The following TBX4 variants were observed in gnomAD, a reference collection of about 807,000 sequenced individuals.
TBX4 encodes the protein T-box transcription factor TBX4.
TBX4 carries 13 observed loss-of-function variants against 54.6 expected under a neutral mutation model. The ratio of observed to expected loss-of-function variants is 0.24; its 90% CI spans 0.15 to 0.38. The LOEUF is 0.38. Ranked by LOEUF, TBX4 falls within the 10% of genes least tolerant of loss-of-function variation. TBX4 has a pLI of 1.00. For missense variants in TBX4, 631 were observed against 728.5 expected, an observed-to-expected ratio of 0.87 and a Z score of 1.54; for synonymous variants, 314 against 306.7, an observed-to-expected ratio of 1.02 and a Z score of -0.25.
Position 61,457,068 on chromosome 17 carries a change from G to A in TBX4, c.186+392G>A, listed in dbSNP as rs1283498202. Among the ~76,000 whole-genome samples, 1 of 152,306 alleles carries A rather than the reference G, an allele frequency of 6.6e-6. No individual in the cohort carries two copies. The highest frequency in any genetic ancestry group is 1.9e-4 in the East Asian group (1 of 5,150). On this transcript the variant is annotated intron_variant, in intron 2 of 8. Coordinates refer to ENST00000644296, the MANE Select transcript of TBX4 (RefSeq NM_001321120.2). The surrounding 1 kb of genome is among the most constrained non-coding windows in gnomAD (Gnocchi z 8.2). ...CGCCGGTGCGCACGGGAGCCGCTGC[G>A]GGGATCCGAGGCCTCTGGGACGTCG...
Position 61,479,802 on chromosome 17 carries a change from T to C in TBX4, c.703-79T>C, listed in dbSNP as rs2143860558. 1 of 1,418,578 alleles carries C rather than the reference T, an allele frequency of 7.0e-7. No individual in the cohort carries two copies. Among genetic ancestry groups the C allele is most frequent in the Non-Finnish European group, 1.0e-6 (1 of 1,002,014 alleles). The allele number at this position is 1,418,578 out of a possible 1,614,324, so 87.9% of individuals were successfully genotyped here. ...CCTGAGGGAGGGAGGTTACATGTTA[T>C]GATCCCATTTACAAATGTGGAAACT... On this transcript the variant is annotated intron_variant, in intron 6 of 8. Transcript: ENST00000644296. This position sits in a 1 kb window ranked among gnomAD's most constrained non-coding sequence, Gnocchi z 6.1.
rs1044370266 is a variant in TBX4, at chr17:61,484,584, A to C, written c.*1068A>C. On this transcript the variant is annotated 3_prime_UTR_variant, in exon 9 of 9. Coordinates refer to ENST00000644296, the MANE Select transcript of TBX4 (RefSeq NM_001321120.2). This position sits in a 1 kb window ranked among gnomAD's most constrained non-coding sequence, Gnocchi z 4.1. ...CAGTAAATTCAGCCGGTGAGCTCAG[A>C]GGAGCAAAGAGAATTCTCCAGTGTG... 1.3e-5 allele frequency: 2 copies of C among 152,168 alleles called. No individual in the cohort carries two copies. The highest frequency in any genetic ancestry group is 2.9e-5 in the Non-Finnish European group (2 of 68,044). The allele number at this position is 152,168 out of a possible 1,614,324, so 9.4% of individuals were successfully genotyped here. A position where few individuals can be genotyped will look rare whatever the true frequency, so the allele number is the denominator to read the frequency against.
Position 61,464,684 on chromosome 17 carries a change from G to C in TBX4, c.282-1135G>C, listed in dbSNP as rs546877057. Among the ~76,000 whole-genome samples the C allele has an allele frequency of 6.6e-6, 1 of 152,134 alleles. No individual in the cohort carries two copies. Among genetic ancestry groups the C allele is most frequent in the South Asian group, 2.1e-4 (1 of 4,818 alleles). On this transcript the variant is annotated intron_variant, in intron 3 of 8. Coordinates refer to ENST00000644296, the MANE Select transcript of TBX4 (RefSeq NM_001321120.2). This position sits in a 1 kb window ranked among gnomAD's most constrained non-coding sequence, Gnocchi z 5.8. ...TGGGGGATGGAGTCTGAGGAGGATCGTGGGAAGTTCCGTTCTTCCCTCTGG... is the reference window on the plus strand; with the variant it reads ...TGGGGGATGGAGTCTGAGGAGGATCCTGGGAAGTTCCGTTCTTCCCTCTGG...
intron 1 of TBX4, among the ~76,000 whole-genome samples, chr17:61,455,568 C>T (rs986346387): frequency 1.3e-5 from 2 of 152,248 alleles, no homozygotes; most frequent in African/African-American, 4.8e-5. Flanking sequence ...GCCAAGACAG[C>T]CGAAGAAATG....
At position 61,457,132 on chromosome 17, in the gene TBX4, A is replaced by G. The variant is rs2060457153; in HGVS notation, c.187-405A>G. Among the ~76,000 whole-genome samples the G allele has an allele frequency of 6.6e-6, 1 of 152,152 alleles. No homozygotes were observed. Among genetic ancestry groups the G allele is most frequent in the African/African-American group, 2.4e-5 (1 of 41,458 alleles). On this transcript the variant is annotated intron_variant, in intron 2 of 8. Transcript: ENST00000644296. This position sits in a 1 kb window ranked among gnomAD's most constrained non-coding sequence, Gnocchi z 8.2. ...AGTGATAATCGGACGATCACAGCGC[A>G]CGGGATGCCGCCTGGGGATCTGTGT...
chr17:61,456,203 G>C (rs1327714332), intron 1 of TBX4, among the ~76,000 whole-genome samples: 5 of 152,222 alleles, frequency 3.3e-5, no homozygotes, highest in Non-Finnish European at 7.3e-5. Context: ...GCAATGCCGA[G>C]AGGGCGGTCC....
At chr17:61,477,888 C>G (rs1458476094) in intron 5 of TBX4, among the ~76,000 whole-genome samples, 1 of 145,472 alleles carries the variant, frequency 6.9e-6, no homozygotes, top group Non-Finnish European at 1.5e-5. Context: ...TTGCAGTGAG[C>G]CAAGATTGCG....
intron 5 of TBX4, among the ~76,000 whole-genome samples, chr17:61,467,960 G>A (rs942941439): frequency 1.3e-5 from 2 of 152,244 alleles, no homozygotes. Flanking sequence ...TTAAATGAGA[G>A]GGTTTACCGG....
rs1569046598 is a variant in TBX4, at chr17:61,483,037, A to AC, written c.1167dup (p.Arg390GlnfsTer30). 1 of 1,613,638 alleles carries AC rather than the reference A, an allele frequency of 6.2e-7. No individual in the cohort carries two copies. Among genetic ancestry groups the AC allele is most frequent in the Middle Eastern group, 1.6e-4 (1 of 6,062 alleles). ...GAGCCCCTCCTACTGCAGTGAGGTG[A>AC]CCCCCAGAGAAGCATGTATGTACTC... On this transcript the variant is annotated frameshift_variant, in exon 9 of 9. Transcript: ENST00000644296. LOFTEE classifies it high-confidence loss of function. The surrounding 1 kb of genome is among the most constrained non-coding windows in gnomAD (Gnocchi z 6.6).
chr17:61,455,590 G>A (rs999955795), intron 1 of TBX4, among the ~76,000 whole-genome samples: 8 of 152,256 alleles, frequency 5.3e-5, no homozygotes, highest in Admixed American at 4.6e-4. Flanking sequence ...AGCTGTGCCA[G>A]GCAGGGCTAA....
intron 5 of TBX4, among the ~76,000 whole-genome samples, chr17:61,477,941 C>CAAAAAAAAAAAAAAAAAAAAAAAA (rs10617980): frequency 9.0e-5 from 8 of 88,648 alleles, no homozygotes; most frequent in African/African-American, 1.2e-4. Flanking sequence ...GATTCCATCT[C>CAAAAAAAAAAAAAAAAAAAAAAAA]AAAAAAAAAA....
At chr17:61,468,830 G>T (rs968294168) in intron 5 of TBX4, among the ~76,000 whole-genome samples, 1 of 152,174 alleles carries the variant, frequency 6.6e-6, no homozygotes, top group Non-Finnish European at 1.5e-5. Context: ...GAGCCCCAAG[G>T]CATTTCAGCT....
intron 5 of TBX4, among the ~76,000 whole-genome samples, chr17:61,469,966 A>T (rs1028927416): frequency 6.6e-6 from 1 of 152,136 alleles, no homozygotes; most frequent in Non-Finnish European, 1.5e-5. Flanking sequence ...TCCAGGCCTC[A>T]AGGGACTTTC....
rs368918785 is a variant in TBX4 at position 61,474,054 on chromosome 17, T to C, written c.550-4573T>C. ...CTCTTATCATCCGGGGTCTCAGTTT[T>C]CTTTCTTTCCTTCTTTGGTGTTTAA... On this transcript the variant is annotated intron_variant, in intron 5 of 8. Coordinates refer to ENST00000644296, the MANE Select transcript of TBX4 (RefSeq NM_001321120.2). This position sits in a 1 kb window ranked among gnomAD's most constrained non-coding sequence, Gnocchi z 4.6. Among the ~76,000 whole-genome samples, 28 of 152,234 alleles carry C rather than the reference T, an allele frequency of 1.8e-4. No homozygotes were observed. The highest frequency in any genetic ancestry group is 6.8e-4 in the African/African-American group (28 of 41,462).
chr17:61,476,095 G>C lies in TBX4; in HGVS notation c.550-2532G>C, dbSNP rs762777847. Among the ~76,000 whole-genome samples, 13 of 152,194 alleles carry C rather than the reference G, an allele frequency of 8.5e-5. No homozygotes were observed. Among genetic ancestry groups the C allele is most frequent in the Non-Finnish European group, 1.5e-4 (10 of 68,038 alleles). On this transcript the variant is annotated intron_variant, in intron 5 of 8. Coordinates refer to ENST00000644296, the MANE Select transcript of TBX4 (RefSeq NM_001321120.2). The surrounding 1 kb of genome is among the most constrained non-coding windows in gnomAD (Gnocchi z 6.5). Reference sequence around the variant, plus strand: ...CTAGATCCTGTCTGGGGGCAAAGGAGCCTGGAGGTACAAAAGGATAAAAGG... The same window carrying C: ...CTAGATCCTGTCTGGGGGCAAAGGACCCTGGAGGTACAAAAGGATAAAAGG...
At chr17:61,473,250 C>T (rs976529637) in intron 5 of TBX4, among the ~76,000 whole-genome samples, 1 of 152,202 alleles carries the variant, frequency 6.6e-6, no homozygotes, top group South Asian at 2.1e-4. Flanking sequence ...ATAAATGCAG[C>T]CTTTCTTTCA....
chr17:61,474,270 C>T lies in TBX4; in HGVS notation c.550-4357C>T, dbSNP rs2060602165. On this transcript the variant is annotated intron_variant, in intron 5 of 8. Transcript: ENST00000644296. This position sits in a 1 kb window ranked among gnomAD's most constrained non-coding sequence, Gnocchi z 4.6. ...AACATGTGTTCTGTGTTCTGTAGGG[C>T]CTGCTGACCCAAGTCCCTTACAGTG... 6.6e-6 allele frequency among the ~76,000 whole-genome samples: 1 copy of T among 152,178 alleles called. No individual in the cohort carries two copies. Among genetic ancestry groups the T allele is most frequent in the African/African-American group, 2.4e-5 (1 of 41,446 alleles).
chr17:61,456,637 A>G lies in TBX4; in HGVS notation c.147A>G (p.Gly49=). The G allele has an allele frequency of 7.4e-7, 1 of 1,354,042 alleles. No homozygotes were observed. Among genetic ancestry groups the G allele is most frequent in the Non-Finnish European group, 9.5e-7 (1 of 1,052,164 alleles). 83.9% of individuals were successfully genotyped at this position (1,354,042 alleles called of 1,614,324 possible). The part of the protein sequence containing the change: ...LSGAALGSPP[G]PGADVVAAAA... ...GAGCCGCGCTAGGCAGCCCCCCGGG[A>G]CCCGGGGCCGACGTCGTCGCCGCCG... Residue 49 remains glycine (G), a synonymous_variant, in exon 2 of 9, where the codon GGA becomes GGG. Transcript: ENST00000644296.
At position 61,479,052 on chromosome 17, in the gene TBX4, C is replaced by T. The variant is rs942351946; in HGVS notation, c.702+273C>T. On this transcript the variant is annotated intron_variant, in intron 6 of 8. Coordinates refer to ENST00000644296, the MANE Select transcript of TBX4 (RefSeq NM_001321120.2). This position sits in a 1 kb window ranked among gnomAD's most constrained non-coding sequence, Gnocchi z 6.1. ...AATTGGCAACTGTAAAAACCAGGAGCTTGGAGTCTGCCTTGTGGTTTGAGC... is the reference window on the plus strand; with the variant it reads ...AATTGGCAACTGTAAAAACCAGGAGTTTGGAGTCTGCCTTGTGGTTTGAGC... Among the ~76,000 whole-genome samples the T allele has an allele frequency of 6.6e-6, 1 of 152,208 alleles. No homozygotes were observed. The highest frequency in any genetic ancestry group is 6.5e-5 in the Admixed American group (1 of 15,286).
Sources: allele counts gnomAD v4.1 joint callset (sites outside exome capture counted in the v4.1 genomes callset), GRCh38; gene constraint gnomAD v4.1.1; non-coding constraint Gnocchi (gnomAD v3.1); transcripts MANE v1.5; gene names NCBI Gene and HGNC (gene_info 2026-07-23, HGNC 2026-07-21).